Variants in IL1RAP observed in about 807,000 individuals in gnomAD.
IL1RAP encodes the protein interleukin-1 receptor accessory protein.
A neutral mutation model predicts 60.7 loss-of-function variants in IL1RAP; 35 were observed. That is an observed-to-expected ratio of 0.58 (90% CI 0.44 to 0.76). IL1RAP has a LOEUF of 0.76. Ranked by LOEUF, IL1RAP falls within the 30% of genes least tolerant of loss-of-function variation. The pLI is 0.00. For synonymous variants in IL1RAP, 268 were observed against 250.9 expected, an observed-to-expected ratio of 1.07 and a Z score of -0.64; for missense variants, 572 against 693.9, an observed-to-expected ratio of 0.82 and a Z score of 1.97.
At position 190,566,579 on chromosome 3, in the gene IL1RAP, G is replaced by A. The variant is rs543094004; in HGVS notation, c.64+2226G>A. Among the ~76,000 whole-genome samples, 6 of 152,252 alleles carry A rather than the reference G, an allele frequency of 3.9e-5. No individual in the cohort carries two copies. In the South Asian group the frequency reaches 1.2e-3, roughly 32 times the overall value. ...TTCTGCCAGGGGAAGCTAACTTCTT[G>A]AATAAGATAAGTTCTCATACCAGCC... On this transcript the variant is annotated intron_variant, in intron 3 of 11. Coordinates refer to ENST00000447382, the MANE Select transcript of IL1RAP (RefSeq NM_002182.4).
In IL1RAP at chr3:190,620,393, A is replaced by T. The variant is rs1427741341; in HGVS notation, c.656A>T (p.Asn219Ile). Reference protein sequence around the residue: ...NYTCVVTYPENGRTFHLTRTL... With the variant: ...NYTCVVTYPEIGRTFHLTRTL... ...ACATGTGTTGTTACATATCCAGAAA[A>T]TGGACGTACGTTTCATCTCACCAGG... The change falls in exon 6 of 12, where the codon AAT (asparagine) becomes ATT (isoleucine). Residue 219 changes from asparagine (N) to isoleucine (I), a missense_variant. Asn to Ile is a moderately radical substitution (Grantham distance 149). Transcript: ENST00000447382. The T allele has an allele frequency of 6.2e-7, 1 of 1,612,812 alleles. No individual in the cohort carries two copies. Among genetic ancestry groups the T allele is most frequent in the Non-Finnish European group, 8.5e-7 (1 of 1,179,662 alleles).
intron 5 of IL1RAP, 150 bp downstream of exon 5, chr3:190,609,331 C>G: frequency 5.4e-6 from 3 of 551,538 alleles, no homozygotes; most frequent in Non-Finnish European, 6.1e-6. Flanking sequence ...TCAGCACGTC[C>G]TCATTTTGTA....
intron 5 of IL1RAP, among the ~76,000 whole-genome samples, chr3:190,610,123 T>C (rs182675459): frequency 1.3e-5 from 2 of 152,086 alleles, no homozygotes; most frequent in East Asian, 3.9e-4. Flanking sequence ...GAATCAAAAG[T>C]AAACTGGATG....
intron 3 of IL1RAP, among the ~76,000 whole-genome samples, chr3:190,583,048 C>A (rs1323212606): frequency 2.0e-5 from 3 of 152,218 alleles, no homozygotes; most frequent in Admixed American, 6.5e-5. Flanking sequence ...CCATCTCCTG[C>A]CCTAATCAGC....
chr3:190,515,251 C>A (rs199562095), intron 1 of IL1RAP, among the ~76,000 whole-genome samples: 1 of 148,096 alleles, frequency 6.8e-6, no homozygotes, highest in Non-Finnish European at 1.5e-5. Context: ...TTTTTCCAGC[C>A]AAAAAATGGA....
chr3:190,597,114 G>T (rs576657049), intron 3 of IL1RAP, among the ~76,000 whole-genome samples: 1 of 152,272 alleles, frequency 6.6e-6, no homozygotes, highest in East Asian at 1.9e-4. Context: ...GAAACATCAT[G>T]TAAGGGAGAT....
At position 190,649,133 on chromosome 3, in the gene IL1RAP, C is replaced by T. The variant is rs1734242117; in HGVS notation, c.*428C>T. On this transcript the variant is annotated 3_prime_UTR_variant, in exon 12 of 12. Transcript: ENST00000447382. ...GTTTTCTTTTTATCTTATTTTTACTCGTCCGTTGAAAAGATAATCAAGGCC... is the reference window on the plus strand; with the variant it reads ...GTTTTCTTTTTATCTTATTTTTACTTGTCCGTTGAAAAGATAATCAAGGCC... 7.1e-6 allele frequency: 7 copies of T among 987,162 alleles called. No homozygotes were observed. Among genetic ancestry groups the T allele is most frequent in the Non-Finnish European group, 8.4e-6 (7 of 831,318 alleles). The allele number at this position is 987,162 out of a possible 1,614,324, so 61.2% of individuals were successfully genotyped here.
At chr3:190,630,940 C>T (rs948149643) in intron 9 of IL1RAP, among the ~76,000 whole-genome samples, 12 of 152,054 alleles carry the variant, frequency 7.9e-5, no homozygotes, top group African/African-American at 2.9e-4. Flanking sequence ...GCATATATAC[C>T]TATATATGAA....
Position 190,650,774 on chromosome 3 carries a change from A to G in IL1RAP, c.*2069A>G, listed in dbSNP as rs533060129. On this transcript the variant is annotated 3_prime_UTR_variant, in exon 12 of 12. Transcript: ENST00000447382. The stretch of plus-strand genomic sequence containing the variant: ...CAATTACTCCCTCTATTAACCCTTC[A>G]CTTACTAGACCAGAAAAGAACTTAT... 8.0e-5 allele frequency: 79 copies of G among 982,792 alleles called. No homozygotes were observed. Among genetic ancestry groups the G allele is most frequent in the Non-Finnish European group, 9.3e-5 (77 of 827,552 alleles). 60.9% of individuals were successfully genotyped at this position (982,792 alleles called of 1,614,324 possible). A position where few individuals can be genotyped will look rare whatever the true frequency, so the allele number is the denominator to read the frequency against.
At chr3:190,551,580 T>A (rs1013147469) in intron 1 of IL1RAP, among the ~76,000 whole-genome samples, 1 of 152,236 alleles carries the variant, frequency 6.6e-6, no homozygotes, top group African/African-American at 2.4e-5. Context: ...TTGTTTCAGT[T>A]TTCTCAGTTC....
intron 1 of IL1RAP, among the ~76,000 whole-genome samples, chr3:190,548,004 C>A (rs1002483045): frequency 4.6e-5 from 7 of 152,088 alleles, no homozygotes; most frequent in African/African-American, 1.7e-4. Flanking sequence ...CTGCTGGATG[C>A]TTTCTATTGA....
At chr3:190,629,319 A>T (rs1289272961) in intron 8 of IL1RAP, 31 bp from the exon 9 acceptor site, 1 of 1,516,226 alleles carries the variant, frequency 6.6e-7, no homozygotes, top group South Asian at 1.2e-5. Flanking sequence ...GTCACTCTCA[A>T]ATGCTTTGAT....
At position 190,648,633 on chromosome 3, in the gene IL1RAP, A is replaced by G. The variant is rs138222241; in HGVS notation, c.1641A>G (p.Pro547=). Residue 547 remains proline, a synonymous_variant, in exon 12 of 12, where the codon CCA becomes CCG. Transcript: ENST00000447382. ...GGAAGCAGCTGCAGGTGGCCATGCC[A>G]GTGAAGAAAAGTCCCAGGCGGTCTA... The part of the protein sequence containing the change: ...RFWKQLQVAM[P]VKKSPRRSSS... The G allele has an allele frequency of 2.9e-5, 47 of 1,614,200 alleles. No individual in the cohort carries two copies. The highest frequency in any genetic ancestry group is 3.8e-5 in the Non-Finnish European group (45 of 1,180,024).
chr3:190,620,382 A>G lies in IL1RAP; in HGVS notation c.645A>G (p.Thr215=), dbSNP rs199761989. The G allele has an allele frequency of 2.5e-6, 4 of 1,612,862 alleles. No individual in the cohort carries two copies. The highest frequency in any genetic ancestry group is 3.4e-6 in the Non-Finnish European group (4 of 1,179,560). Residue 215 remains threonine (T), a synonymous_variant, in exon 6 of 12, where the codon ACA becomes ACG. Transcript: ENST00000447382. ...ATGGAAATTACACATGTGTTGTTAC[A>G]TATCCAGAAAATGGACGTACGTTTC... ...SNNGNYTCVV[T]YPENGRTFHL... is the part of the protein sequence containing the mutation.
intron 2 of IL1RAP, among the ~76,000 whole-genome samples, chr3:190,559,558 C>T (rs1388356363): frequency 1.3e-5 from 2 of 152,138 alleles, no homozygotes; most frequent in Non-Finnish European, 2.9e-5. Context: ...GCATCCCACA[C>T]ACTTGGTATG....
intron 3 of IL1RAP, among the ~76,000 whole-genome samples, chr3:190,577,976 C>G (rs938452368): frequency 6.6e-6 from 1 of 152,134 alleles, no homozygotes; most frequent in Non-Finnish European, 1.5e-5. Context: ...CCAACTGCAT[C>G]GGTGTTTCTG....
intron 4 of IL1RAP, 57 bp from the exon 5 acceptor site, chr3:190,608,938 T>A (rs888574158): frequency 7.5e-7 from 1 of 1,331,904 alleles, no homozygotes; most frequent in Non-Finnish European, 1.1e-6. Flanking sequence ...TTGAATGTGG[T>A]TGCTCTATGA....
At chr3:190,627,890 A>G (rs1055880691) in intron 8 of IL1RAP, among the ~76,000 whole-genome samples, 6 of 151,996 alleles carry the variant, frequency 3.9e-5, no homozygotes, top group African/African-American at 1.4e-4. Context: ...GTCTGGCCCT[A>G]TGTATTTGTG....
rs762800736 is a variant in IL1RAP at position 190,629,528 on chromosome 3, C to T, written c.1051+30C>T. On this transcript the variant is annotated intron_variant, in intron 9 of 11. Coordinates refer to ENST00000447382, the MANE Select transcript of IL1RAP (RefSeq NM_002182.4). The stretch of plus-strand genomic sequence containing the variant: ...TAGATGCGGTCAGTGATGAATCTCT[C>T]AGCTCCAAATTAACATTGTGGTGAA... 12 of 1,584,270 alleles carry T rather than the reference C, an allele frequency of 7.6e-6. No individual in the cohort carries two copies. In the South Asian group the frequency reaches 1.3e-4, roughly 17 times the overall value.
Sources: gnomAD v4.1 joint callset for allele counts (sites outside exome capture counted in the v4.1 genomes callset) on GRCh38, gnomAD v4.1.1 for gene constraint, MANE v1.5 for transcripts, NCBI Gene and HGNC (gene_info 2026-07-23, HGNC 2026-07-21) for gene names.